The following ACTB variants were observed in gnomAD, a reference collection of about 807,000 sequenced individuals.
ACTB encodes actin, cytoplasmic 1.
Under a neutral mutation model 30.5 loss-of-function variants are expected in ACTB, and 2 were observed. The observed-to-expected ratio is 0.07, with a 90% CI of 0.03 to 0.21. ACTB has a LOEUF of 0.21. Ranked by LOEUF, ACTB falls within the 10% of genes least tolerant of loss-of-function variation. ACTB has a pLI of 1.00. For synonymous variants in ACTB, 335 were observed against 217.6 expected (o/e 1.54, Z -4.75); for missense variants, 56 against 530.0 (o/e 0.11, Z 8.78).
intron 3 of ACTB, chr7:5,528,940 C>G: frequency 6.6e-7 from 1 of 1,519,334 alleles, no homozygotes; most frequent in Non-Finnish European, 8.9e-7. Flanking sequence ...AGTACCTACA[C>G]CCACAACACT....
At chr7:5,528,247 T>C (rs770490362) in intron 4 of ACTB, 34 bp downstream of exon 4, 22 of 1,613,618 alleles carry the variant, frequency 1.4e-5, no homozygotes, top group African/African-American at 8.0e-5. Flanking sequence ...GTAACCCTCA[T>C]GTCAGGCAGA....
At chr7:5,528,805 A>G (rs1279697072) in intron 3 of ACTB, 86 bp from the exon 4 acceptor site, 5 of 1,525,178 alleles carry the variant, frequency 3.3e-6, no homozygotes, top group Non-Finnish European at 4.5e-6. Flanking sequence ...AAGTGCAAAG[A>G]ACACGGCTAA....
At chr7:5,529,856 GC>G in intron 1 of ACTB, 193 bp from the exon 2 acceptor site, 1 of 960,474 alleles carries the variant, frequency 1.0e-6, no homozygotes. Context: ...GCGGCAGGAA[GC>G]CAGGCCCCAA....
rs1163260391 is a variant in ACTB, at chr7:5,527,700, G to C, written c.*48C>G. 1.2e-6 allele frequency: 2 copies of C among 1,611,494 alleles called. No individual in the cohort carries two copies. The highest frequency in any genetic ancestry group is 1.7e-6 in the Non-Finnish European group (2 of 1,179,390). On this transcript the variant is annotated 3_prime_UTR_variant, in exon 6 of 6. Coordinates refer to ENST00000646664, the MANE Select transcript of ACTB (RefSeq NM_001101.5). Reference sequence around the variant, plus strand: ...CAATCTCATCTTGTTTTCTGCGCAAGTTAGGTTTTGTCAAGAAAGGGTGTA... The same window carrying C: ...CAATCTCATCTTGTTTTCTGCGCAACTTAGGTTTTGTCAAGAAAGGGTGTA...
Position 5,528,079 on chromosome 7 carries a change from G to A in ACTB, c.909C>T (p.Thr303=). Residue 303 remains threonine, a synonymous_variant, in exon 5 of 6, where the codon ACC becomes ACT. Transcript: ENST00000646664. ...LYANTVLSGG[T]TMYPGIADRM... ...TGTCGGCAATGCCAGGGTACATGGTGGTGCCGCCAGACAGCACTGTGTTGG... is the reference window on the plus strand; with the variant it reads ...TGTCGGCAATGCCAGGGTACATGGTAGTGCCGCCAGACAGCACTGTGTTGG... 4 of 1,614,252 alleles carry A rather than the reference G, an allele frequency of 2.5e-6. No homozygotes were observed. Among genetic ancestry groups the A allele is most frequent in the Non-Finnish European group, 3.4e-6 (4 of 1,180,050 alleles).
chr7:5,529,965 G>A (rs977937493), intron 1 of ACTB: 7 of 245,364 alleles, frequency 2.9e-5, no homozygotes, highest in Non-Finnish European at 4.6e-5. Context: ...GGCGGCCAGC[G>A]GCTCGGGCAG....
chr7:5,528,230 CCGAGGGGTAACCCTCATG>C, intron 4 of ACTB, 33 bp downstream of exon 4: 1 of 1,613,780 alleles, frequency 6.2e-7, no homozygotes, highest in Non-Finnish European at 8.5e-7. Flanking sequence ...CAGCACAGCC[CCGAGGGGTAACCCTCATG>C]TCAGGCAGAG....
In ACTB at chr7:5,529,082, G is replaced by C. The variant is rs527433029; in HGVS notation, c.363+79C>G. 41 of 1,613,288 alleles carry C rather than the reference G, an allele frequency of 2.5e-5. No homozygotes were observed. In the East Asian group the frequency reaches 6.2e-4, roughly 25 times the overall value. On this transcript the variant is annotated intron_variant, in intron 3 of 5. Transcript: ENST00000646664. The stretch of plus-strand genomic sequence containing the variant: ...GTCCTACGGAAAACGGCAGAAGAGA[G>C]AACCAGTGAGAAAGGGCGCAGCTCC...
chr7:5,527,623 CA>C lies in ACTB; in HGVS notation c.*124del, dbSNP rs370106412. ...CCAGTTTTTAAATCCTGAGTCAAGC[CA>C]AAAAAAAAAAAAAAACCAAAACAAA... On this transcript the variant is annotated 3_prime_UTR_variant, in exon 6 of 6. Coordinates refer to ENST00000646664, the MANE Select transcript of ACTB (RefSeq NM_001101.5). 150,679 of 1,134,546 alleles carry C rather than the reference CA, an allele frequency of 0.13. 104 individuals carry two copies. The highest frequency in any genetic ancestry group is 0.14 in the Admixed American group (4,817 of 34,016). The allele number at this position is 1,134,546 out of a possible 1,614,324, so 70.3% of individuals were successfully genotyped here. A position where few individuals can be genotyped will look rare whatever the true frequency, so the allele number is the denominator to read the frequency against.
chr7:5,529,820 A>G (rs2128241504), intron 1 of ACTB, 157 bp from the exon 2 acceptor site: 3 of 1,250,600 alleles, frequency 2.4e-6, no homozygotes, highest in Non-Finnish European at 3.4e-6. Flanking sequence ...AAAGGCAAAC[A>G]CTGGTCGGAG....
rs1200531020 is a variant in ACTB at position 5,527,242 on chromosome 7, C to T, written c.*506G>A. The T allele has an allele frequency of 4.2e-5, 10 of 239,078 alleles. No individual in the cohort carries two copies. Among genetic ancestry groups the T allele is most frequent in the Non-Finnish European group, 8.3e-5 (10 of 120,042 alleles). The allele number at this position is 239,078 out of a possible 1,614,324, so 14.8% of individuals were successfully genotyped here. A position where few individuals can be genotyped will look rare whatever the true frequency, so the allele number is the denominator to read the frequency against. ...CACCCACTCCCAGGGAGACCAAAAG[C>T]CTTCATACATCTCAAGTTGGGGGAC... is the stretch of plus-strand genomic sequence containing the variant. On this transcript the variant is annotated 3_prime_UTR_variant, in exon 6 of 6. Transcript: ENST00000646664.
chr7:5,530,119 A>AGC (rs1784858004), intron 1 of ACTB: 1 of 152,206 alleles, frequency 6.6e-6, no homozygotes, highest in South Asian at 2.1e-4. Context: ...ACGCGCAATT[A>AGC]GCGCCAATTC....
Position 5,527,194 on chromosome 7 carries a change from T to C in ACTB, c.*554A>G, listed in dbSNP as rs1476437418. Reference sequence around the variant, plus strand: ...TTATTCAACTGGTCTCAAGTCAGTGTACAGGTAAGCCCTGGCTGCCTCCAC... The same window carrying C: ...TTATTCAACTGGTCTCAAGTCAGTGCACAGGTAAGCCCTGGCTGCCTCCAC... On this transcript the variant is annotated 3_prime_UTR_variant, in exon 6 of 6. Coordinates refer to ENST00000646664, the MANE Select transcript of ACTB (RefSeq NM_001101.5). The C allele has an allele frequency of 1.0e-5, 2 of 200,884 alleles. No homozygotes were observed. The highest frequency in any genetic ancestry group is 5.4e-5 in the Admixed American group (1 of 18,610). The allele number at this position is 200,884 out of a possible 1,614,324, so 12.4% of individuals were successfully genotyped here.
chr7:5,528,852 C>T (rs1784820241), intron 3 of ACTB, 133 bp from the exon 4 acceptor site: 5 of 1,401,498 alleles, frequency 3.6e-6, no homozygotes, highest in South Asian at 1.2e-5. Flanking sequence ...TCTGTTCAGA[C>T]CTACTGTGCA....
rs1484740926 is a variant in ACTB at position 5,529,637 on chromosome 7, C to A, written c.21G>T (p.Ala7=). Residue 7 remains alanine, a synonymous_variant, in exon 2 of 6, where the codon GCG becomes GCT. Transcript: ENST00000646664. ...TGCCGGAGCCGTTGTCGACGACGAG[C>A]GCGGCGATATCATCATCCATGGTGA... MDDDIA[A]LVVDNGSGMC... 1.2e-6 allele frequency: 2 copies of A among 1,611,366 alleles called. No homozygotes were observed. Among genetic ancestry groups the A allele is most frequent in the Non-Finnish European group, 1.7e-6 (2 of 1,179,722 alleles).
In ACTB at chr7:5,529,857, C is replaced by A. The variant is rs1288674951; in HGVS notation, c.-6-194G>T. On this transcript the variant is annotated intron_variant, in intron 1 of 5. Coordinates refer to ENST00000646664, the MANE Select transcript of ACTB (RefSeq NM_001101.5). ...CGTCCCCGCGGCGCGCGGCAGGAAG[C>A]CAGGCCCCAACCCCCTCCCAACCGG... is the stretch of plus-strand genomic sequence containing the variant. The A allele has an allele frequency of 7.4e-6, 7 of 951,558 alleles. No individual in the cohort carries two copies. The East Asian group carries it at 2.0e-4, about 27-fold the overall frequency. 58.9% of individuals were successfully genotyped at this position (951,558 alleles called of 1,614,324 possible).
chr7:5,528,204 C>T lies in ACTB; in HGVS notation c.803-19G>A, dbSNP rs1238988165. On this transcript the variant is annotated intron_variant, in intron 4 of 5. Transcript: ENST00000646664. ...TCCATGCCTGAGAGGGAAATGAGGG[C>T]AGGACTTAGCTTCCACAGCACAGCC... 5 of 1,613,864 alleles carry T rather than the reference C, an allele frequency of 3.1e-6. No individual in the cohort carries two copies. Among genetic ancestry groups the T allele is most frequent in the Non-Finnish European group, 4.2e-6 (5 of 1,179,738 alleles).
chr7:5,528,232 G>A (rs375076505), intron 4 of ACTB, 47 bp from the exon 5 acceptor site: 116 of 1,613,706 alleles, frequency 7.2e-5, no homozygotes, highest in Middle Eastern at 4.9e-4. Flanking sequence ...GCACAGCCCC[G>A]AGGGGTAACC....
chr7:5,527,992 A>T lies in ACTB; in HGVS notation c.984+12T>A. On this transcript the variant is annotated intron_variant, in intron 5 of 5. Coordinates refer to ENST00000646664, the MANE Select transcript of ACTB (RefSeq NM_001101.5). ...ACCTGCCCAGGTCAGCTCAGGCAGG[A>T]AAGACACCCACCTTGATCTTCATTG... The T allele has an allele frequency of 6.2e-7, 1 of 1,613,260 alleles. No homozygotes were observed. The highest frequency in any genetic ancestry group is 1.1e-5 in the South Asian group (1 of 91,066).
Sources: gnomAD v4.1 joint callset for allele counts on GRCh38, gnomAD v4.1.1 for gene constraint, MANE v1.5 for transcripts, NCBI Gene and HGNC (gene_info 2026-07-23, HGNC 2026-07-21) for gene names.